The following AKAP1 variants were observed in gnomAD, a reference collection of about 807,000 sequenced individuals.
AKAP1 encodes the protein A-kinase anchoring protein 1, also known as A-kinase anchor protein 1, mitochondrial.
Under a neutral mutation model 79.8 loss-of-function variants are expected in AKAP1, and 32 were observed. The ratio of observed to expected loss-of-function variants is 0.40; its 90% CI spans 0.30 to 0.54. AKAP1 has a LOEUF of 0.54. Ranked by LOEUF, AKAP1 falls within the 20% of genes least tolerant of loss-of-function variation. AKAP1 has a pLI of 0.47. For synonymous variants in AKAP1, 416 were observed against 466.7 expected (o/e 0.89, Z 1.40); for missense variants, 961 against 1,138.9 (o/e 0.84, Z 2.25).
chr17:57,089,306 C>T (rs1205292713), intron 1 of AKAP1, among the ~76,000 whole-genome samples: 1 of 152,190 alleles, frequency 6.6e-6, no homozygotes, highest in Non-Finnish European at 1.5e-5. Context: ...CACTGTTCAT[C>T]TCAAGTTCTT....
Position 57,086,939 on chromosome 17 carries a change from G to T in AKAP1, c.-25+1541G>T, listed in dbSNP as rs983517304. 2.6e-5 allele frequency among the ~76,000 whole-genome samples: 4 copies of T among 152,118 alleles called. No individual in the cohort carries two copies. The highest frequency in any genetic ancestry group is 9.7e-5 in the African/African-American group (4 of 41,408). On this transcript the variant is annotated intron_variant, in intron 1 of 10. Coordinates refer to ENST00000337714, the MANE Select transcript of AKAP1 (RefSeq NM_003488.4). This position sits in a 1 kb window ranked among gnomAD's most constrained non-coding sequence, Gnocchi z 5.1. ...TCATTTATATAATTCCTCTGATCTT[G>T]GCATTGAAGTGGTTCACCTGCTGAT...
chr17:57,103,770 A>G (rs1001784561), intron 1 of AKAP1, among the ~76,000 whole-genome samples: 1 of 152,206 alleles, frequency 6.6e-6, no homozygotes, highest in Non-Finnish European at 1.5e-5. Flanking sequence ...TAAGCCCATC[A>G]TATACCTTTA....
intron 1 of AKAP1, among the ~76,000 whole-genome samples, chr17:57,089,299 T>C (rs764611044): frequency 8.5e-5 from 13 of 152,196 alleles, no homozygotes; most frequent in Non-Finnish European, 1.8e-4. Flanking sequence ...AACAACTCAC[T>C]GTTCATCTCA....
intron 2 of AKAP1, 25 bp from the exon 3 acceptor site, chr17:57,110,000 G>C: frequency 1.2e-6 from 2 of 1,612,518 alleles, no homozygotes; most frequent in Non-Finnish European, 1.7e-6. Flanking sequence ...GTGTGTGTGC[G>C]TGCCTGCTGC....
At chr17:57,095,342 T>G (rs1914033709) in intron 1 of AKAP1, 1 of 152,024 alleles carries the variant, frequency 6.6e-6, no homozygotes, top group African/African-American at 2.4e-5. Context: ...AAAAAAAATT[T>G]TTTTTTTGTA....
intron 1 of AKAP1, among the ~76,000 whole-genome samples, chr17:57,100,335 C>T (rs1450449521): frequency 6.6e-6 from 1 of 152,140 alleles, no homozygotes; most frequent in African/African-American, 2.4e-5. Context: ...CCTATAATCC[C>T]AGCAGTTTTT....
chr17:57,117,006 C>T lies in AKAP1; in HGVS notation c.2500+79C>T, dbSNP rs1398074390. The T allele has an allele frequency of 1.6e-5, 21 of 1,349,730 alleles. No individual in the cohort carries two copies. In the South Asian group the frequency reaches 2.2e-4, roughly 14 times the overall value. 83.6% of individuals were successfully genotyped at this position (1,349,730 alleles called of 1,614,324 possible). On this transcript the variant is annotated intron_variant, in intron 8 of 10. Transcript: ENST00000337714. ...AGGTCTTTCTCAGAGCCTCCGTTCT[C>T]ACCTGGAGGATTTATGCTAACATAA...
chr17:57,110,192 T>C, intron 3 of AKAP1, 34 bp downstream of exon 3: 1 of 1,610,992 alleles, frequency 6.2e-7, no homozygotes, highest in Non-Finnish European at 8.5e-7. Context: ...GGTTCTGTGG[T>C]AAGCCCAAAG....
At chr17:57,093,921 C>T in intron 1 of AKAP1, 1 of 152,146 alleles carries the variant, frequency 6.6e-6, no homozygotes, top group East Asian at 1.9e-4. Context: ...CTCATCATCC[C>T]AGTGTAGAGA....
At chr17:57,096,241 C>A (rs973225743) in intron 1 of AKAP1, 1 of 152,184 alleles carries the variant, frequency 6.6e-6, no homozygotes, top group Non-Finnish European at 1.5e-5. Context: ...TGGCTTTTGG[C>A]TTGTCTTGTC....
intron 2 of AKAP1, among the ~76,000 whole-genome samples, chr17:57,109,475 G>C (rs765329258): frequency 6.6e-6 from 1 of 152,212 alleles, no homozygotes; most frequent in African/African-American, 2.4e-5. Flanking sequence ...GCGGGTCCCC[G>C]CTAGGTATAA....
In AKAP1 at chr17:57,105,983, G is replaced by A. The variant is rs773995381; in HGVS notation, c.519G>A (p.Arg173=). The A allele has an allele frequency of 1.2e-6, 2 of 1,614,172 alleles. No individual in the cohort carries two copies. The highest frequency in any genetic ancestry group is 2.7e-5 in the African/African-American group (2 of 75,060). ...EVCKQDSPFS[R]VPRKVQPGYP... is the part of the protein sequence containing the mutation. ...GTAAGCAAGATTCCCCCTTCAGCAG[G>A]GTGCCAAGGAAGGTCCAGCCAGGCT... Residue 173 remains arginine (R), a synonymous_variant, in exon 2 of 11, where the codon AGG becomes AGA. Transcript: ENST00000337714.
intron 3 of AKAP1, among the ~76,000 whole-genome samples, chr17:57,110,564 AT>A (rs2144743261): frequency 6.6e-6 from 1 of 152,336 alleles, no homozygotes; most frequent in East Asian, 1.9e-4. Flanking sequence ...ATAAATCCAT[AT>A]TTTAGAGAAC....
chr17:57,116,672 G>A (rs1336708831), intron 7 of AKAP1, among the ~76,000 whole-genome samples, 188 bp from the exon 8 acceptor site: 2 of 152,190 alleles, frequency 1.3e-5, no homozygotes, highest in African/African-American at 2.4e-5. Context: ...TCCCTCTGAG[G>A]TCAGGCTTGC....
intron 6 of AKAP1, 116 bp from the exon 7 acceptor site, chr17:57,115,995 A>T (rs1458541990): frequency 7.2e-6 from 9 of 1,250,748 alleles, no homozygotes; most frequent in Non-Finnish European, 9.9e-6. Flanking sequence ...TGTCCCCTGC[A>T]CTGTGGAGGT....
At chr17:57,118,260 G>A (rs1483096922) in intron 8 of AKAP1, 121 bp from the exon 9 acceptor site, 1 of 884,718 alleles carries the variant, frequency 1.1e-6, no homozygotes, top group South Asian at 1.5e-5. Context: ...CCCCAGTGCA[G>A]TTCTCAAGTT....
chr17:57,107,099 T>C lies in AKAP1; in HGVS notation c.1635T>C (p.Asn545=). The C allele has an allele frequency of 6.2e-7, 1 of 1,613,986 alleles. No individual in the cohort carries two copies. Among genetic ancestry groups the C allele is most frequent in the African/African-American group, 1.3e-5 (1 of 74,990 alleles). The part of the protein sequence containing the change: ...PLPESTVPFS[N]GVLKGELSDL... ...CAGAAAGTACTGTGCCCTTCAGCAA[T>C]GGGGTGCTGAAGGGGGAGTTGTCAG... The change falls in exon 2 of 11, where the codon AAT becomes AAC. Residue 545 remains asparagine, a synonymous_variant. Transcript: ENST00000337714.
chr17:57,118,931 A>C, intron 9 of AKAP1, 51 bp from the exon 10 acceptor site: 1 of 1,572,606 alleles, frequency 6.4e-7, no homozygotes, highest in Non-Finnish European at 8.8e-7. Context: ...ATGATATTTG[A>C]GTGGGGACAC....
intron 3 of AKAP1, 91 bp from the exon 4 acceptor site, chr17:57,111,707 C>A: frequency 1.3e-6 from 2 of 1,486,286 alleles, no homozygotes; most frequent in Non-Finnish European, 9.2e-7. Flanking sequence ...TATGTTTGAG[C>A]ATGATCTTGT....
Sources: gnomAD v4.1 joint callset for allele counts (sites outside exome capture counted in the v4.1 genomes callset) on GRCh38, gnomAD v4.1.1 for gene constraint, Gnocchi (gnomAD v3.1) non-coding constraint, MANE v1.5 for transcripts, NCBI Gene and HGNC (gene_info 2026-07-23, HGNC 2026-07-21) for gene names.